DBF4B: variants seen among roughly 807,000 people sequenced by gnomAD.
DBF4B encodes the protein protein DBF4 homolog B.
Under a neutral mutation model 53.4 loss-of-function variants are expected in DBF4B, and 49 were observed. The ratio of observed to expected loss-of-function variants is 0.92; its 90% CI spans 0.73 to 1.16. The LOEUF (loss-of-function observed/expected upper bound fraction) is 1.16, where lower values mean the gene tolerates loss of function less well. Among genes scored for constraint, DBF4B ranks in the 50% most tolerant of loss-of-function variants. The pLI is 0.00. For missense variants in DBF4B, 692 were observed against 775.0 expected, an observed-to-expected ratio of 0.89 and a Z score of 1.27; for synonymous variants, 257 against 288.7, an observed-to-expected ratio of 0.89 and a Z score of 1.11.
At position 44,751,921 on chromosome 17, in the gene DBF4B, C is replaced by G. The variant is rs2049284335; in HGVS notation, c.*668C>G. The stretch of plus-strand genomic sequence containing the variant: ...CTGCCCTTCCTCACCATTGCCCATT[C>G]CCTCGTTCGTTCATTCAGCACAGGC... On this transcript the variant is annotated 3_prime_UTR_variant, in exon 14 of 14. Coordinates refer to ENST00000315005, the MANE Select transcript of DBF4B (RefSeq NM_145663.3). 6.5e-7 allele frequency: 1 copy of G among 1,536,064 alleles called. No homozygotes were observed. Among genetic ancestry groups the G allele is most frequent in the African/African-American group, 1.4e-5 (1 of 73,006 alleles).
intron 2 of DBF4B, among the ~76,000 whole-genome samples, chr17:44,721,221 C>CCG (rs1555674682): frequency 4.0e-5 from 5 of 126,212 alleles, no homozygotes; most frequent in Non-Finnish European, 4.9e-5. Context: ...ATTCTTCCCC[C>CCG]CCCCTCCCCT....
intron 10 of DBF4B, 132 bp downstream of exon 10, chr17:44,741,584 C>A: frequency 1.7e-6 from 1 of 595,084 alleles, no homozygotes. Flanking sequence ...GGGAACGTAG[C>A]CCAGAGAAGA....
intron 2 of DBF4B, among the ~76,000 whole-genome samples, chr17:44,710,444 A>C (rs1344473306): frequency 6.6e-6 from 1 of 152,170 alleles, no homozygotes; most frequent in Non-Finnish European, 1.5e-5. Context: ...ACATTGAAAA[A>C]TTACAGTATT....
At chr17:44,710,653 C>T (rs1972782586) in intron 2 of DBF4B, among the ~76,000 whole-genome samples, 2 of 152,000 alleles carry the variant, frequency 1.3e-5, no homozygotes, top group South Asian at 4.1e-4. Context: ...CAGGTTTGGC[C>T]TCACCGGGAT....
At chr17:44,732,435 G>T in intron 6 of DBF4B, 170 bp downstream of exon 6, 1 of 733,366 alleles carries the variant, frequency 1.4e-6, no homozygotes. Flanking sequence ...GGGGGAAAGC[G>T]GTGAGGACGC....
chr17:44,751,611 A>G lies in DBF4B; in HGVS notation c.*358A>G. 1 of 1,358,974 alleles carries G rather than the reference A, an allele frequency of 7.4e-7. No homozygotes were observed. Among genetic ancestry groups the G allele is most frequent in the Non-Finnish European group, 9.5e-7 (1 of 1,055,250 alleles). 84.2% of individuals were successfully genotyped at this position (1,358,974 alleles called of 1,614,324 possible). On this transcript the variant is annotated 3_prime_UTR_variant, in exon 14 of 14. Coordinates refer to ENST00000315005, the MANE Select transcript of DBF4B (RefSeq NM_145663.3). ...ATGCCATGCTCCTCTCCTGGAAAAC[A>G]CTTGAGTTGATTCAGTAAATCGACT...
intron 3 of DBF4B, among the ~76,000 whole-genome samples, chr17:44,727,679 A>C (rs908631611): frequency 1.3e-5 from 2 of 152,104 alleles, no homozygotes; most frequent in Non-Finnish European, 2.9e-5. Flanking sequence ...CTTGGGCTTA[A>C]AGCAACAATT....
In DBF4B at chr17:44,749,003, C is replaced by A. The variant is rs1320189364; in HGVS notation, c.1189+538C>A. ...CTGGGGAAAGGGTGGCCCCCAGGGC[C>A]TGAGGATTCTGAGTGTACAGCCACT... On this transcript the variant is annotated intron_variant, in intron 13 of 13. Transcript: ENST00000315005. This position sits in a 1 kb window ranked among gnomAD's most constrained non-coding sequence, Gnocchi z 4.4. 6 of 1,289,860 alleles carry A rather than the reference C, an allele frequency of 4.7e-6. No homozygotes were observed. In the Admixed American group the frequency reaches 1.4e-4, roughly 30 times the overall value. The allele number at this position is 1,289,860 out of a possible 1,614,324, so 79.9% of individuals were successfully genotyped here.
At chr17:44,743,094 A>C (rs1399799077) in intron 10 of DBF4B, among the ~76,000 whole-genome samples, 1 of 152,230 alleles carries the variant, frequency 6.6e-6, no homozygotes, top group Non-Finnish European at 1.5e-5. Context: ...AAGTCCCAAT[A>C]CAAGGGATAC....
At chr17:44,731,843 G>A (rs1974868430) in intron 5 of DBF4B, 1 of 248,846 alleles carries the variant, frequency 4.0e-6, no homozygotes, top group East Asian at 9.6e-5. Context: ...CGTGTTTGTT[G>A]TGTACTTACT....
In DBF4B at chr17:44,722,935, T is replaced by TCCCTTTTCCG. The variant is rs1386965568; in HGVS notation, c.139_148dup (p.Gly50AlafsTer32). 4.3e-6 allele frequency: 7 copies of TCCCTTTTCCG among 1,614,052 alleles called. No individual in the cohort carries two copies. In the African/African-American group the frequency reaches 6.7e-5, roughly 15 times the overall value. ...AGAACTCACCAGGTGCCAGGAAGCA[T>TCCCTTTTCCG]CCCTTTTCCGGAAAGTCCTTTTACT... On this transcript the variant is annotated frameshift_variant, in exon 3 of 14. Coordinates refer to ENST00000315005, the MANE Select transcript of DBF4B (RefSeq NM_145663.3). LOFTEE classifies it high-confidence loss of function.
At position 44,741,465 on chromosome 17, in the gene DBF4B, G is replaced by A. The variant is rs780440805; in HGVS notation, c.830+13G>A. ...TGCACCATACCAGGTGGGTCTTTCT[G>A]GTTCCTGAGTACCAAGGGCTGGTTA... On this transcript the variant is annotated intron_variant, in intron 10 of 13. Transcript: ENST00000315005. 18 of 1,558,008 alleles carry A rather than the reference G, an allele frequency of 1.2e-5. No individual in the cohort carries two copies. The highest frequency in any genetic ancestry group is 1.6e-5 in the Non-Finnish European group (18 of 1,142,706).
At chr17:44,745,276 G>A (rs1286404436) in intron 10 of DBF4B, among the ~76,000 whole-genome samples, 1 of 152,094 alleles carries the variant, frequency 6.6e-6, no homozygotes, top group Non-Finnish European at 1.5e-5. Flanking sequence ...AAGCCTCCCT[G>A]AGCAGAGAAG....
chr17:44,743,811 A>G (rs1452132191), intron 10 of DBF4B, among the ~76,000 whole-genome samples: 1 of 151,676 alleles, frequency 6.6e-6, no homozygotes, highest in Middle Eastern at 3.4e-3. Flanking sequence ...GGGTTTCACT[A>G]TGTTGGCCAA....
At chr17:44,745,259 T>C (rs1976487507) in intron 10 of DBF4B, among the ~76,000 whole-genome samples, 1 of 152,130 alleles carries the variant, frequency 6.6e-6, no homozygotes, top group Admixed American at 6.6e-5. Flanking sequence ...ATATATATTT[T>C]TTTCCTAAGC....
chr17:44,730,737 C>T (rs1180047638), intron 4 of DBF4B, among the ~76,000 whole-genome samples: 8 of 152,136 alleles, frequency 5.3e-5, no homozygotes, highest in Admixed American at 4.6e-4. Flanking sequence ...CCCTTCTCTC[C>T]ACCAGGTTCA....
At chr17:44,750,086 C>A in intron 13 of DBF4B, 1 of 997,944 alleles carries the variant, frequency 1.0e-6, no homozygotes, top group Non-Finnish European at 1.2e-6. Flanking sequence ...CTTGAGCTGC[C>A]TGCCCGAAGT....
intron 10 of DBF4B, 69 bp from the exon 11 acceptor site, chr17:44,747,014 C>T (rs2145147141): frequency 6.9e-7 from 1 of 1,448,774 alleles, no homozygotes. Flanking sequence ...GCTCCAGGCT[C>T]TAAGTAGTGG....
chr17:44,736,069 C>T (rs1301514304), intron 7 of DBF4B, among the ~76,000 whole-genome samples: 1 of 152,052 alleles, frequency 6.6e-6, no homozygotes, highest in East Asian at 1.9e-4. Context: ...GCAACCTCCA[C>T]CTCCTGGGCT....
Sources: gnomAD v4.1 joint callset for allele counts (sites outside exome capture counted in the v4.1 genomes callset) on GRCh38, gnomAD v4.1.1 for gene constraint, Gnocchi (gnomAD v3.1) non-coding constraint, MANE v1.5 for transcripts, NCBI Gene and HGNC (gene_info 2026-07-23, HGNC 2026-07-21) for gene names.